AGBL4: variants seen among roughly 807,000 people sequenced by gnomAD.
AGBL4 encodes AGBL carboxypeptidase 4.
In AGBL4, 58 loss-of-function variants were observed where a neutral mutation model predicts 66.4. The ratio of observed to expected loss-of-function variants is 0.87; its 90% confidence interval spans 0.71 to 1.09. The LOEUF is 1.09. AGBL4 is among the 50% of genes least tolerant of loss of function. AGBL4 has a pLI of 0.00. For missense variants in AGBL4, 579 were observed against 631.0 expected (o/e 0.92, Z 0.88); for synonymous variants, 234 against 222.9 (o/e 1.05, Z -0.44).
chr1:49,689,468 AC>A (rs760149289), intron 3 of AGBL4, among the ~76,000 whole-genome samples: 9 of 152,158 alleles, frequency 5.9e-5, no homozygotes, highest in Non-Finnish European at 8.8e-5. Flanking sequence ...TGCTTTGGTT[AC>A]TATAGCTCTG....
chr1:49,429,630 T>A (rs1007151921), intron 3 of AGBL4, among the ~76,000 whole-genome samples: 1 of 152,150 alleles, frequency 6.6e-6, no homozygotes, highest in Non-Finnish European at 1.5e-5. Flanking sequence ...GTCTCCAATG[T>A]ATTCTCCCTA....
At chr1:49,594,542 G>C (rs1449757526) in intron 3 of AGBL4, among the ~76,000 whole-genome samples, 2 of 152,050 alleles carry the variant, frequency 1.3e-5, no homozygotes, top group Non-Finnish European at 2.9e-5. Flanking sequence ...ACAGTCCCTG[G>C]TGTGTGATGT....
At chr1:49,049,665 G>C (rs1014095309) in intron 4 of AGBL4, among the ~76,000 whole-genome samples, 6 of 151,992 alleles carry the variant, frequency 3.9e-5, no homozygotes, top group African/African-American at 1.2e-4. Context: ...GTATAAAGTA[G>C]AGACTCTTTA....
chr1:49,564,617 T>C (rs1368312996), intron 3 of AGBL4, among the ~76,000 whole-genome samples: 2 of 152,178 alleles, frequency 1.3e-5, no homozygotes, highest in South Asian at 4.1e-4. Flanking sequence ...TTGAGTGGTT[T>C]TGAGTGAGTT....
intron 3 of AGBL4, among the ~76,000 whole-genome samples, chr1:49,692,201 T>C (rs1646901841): frequency 6.6e-6 from 1 of 152,180 alleles, no homozygotes; most frequent in Admixed American, 6.5e-5. Flanking sequence ...ATTAGTATTA[T>C]TACTTTCATT....
At chr1:49,959,877 G>A (rs758744954) in intron 1 of AGBL4, among the ~76,000 whole-genome samples, 2 of 152,028 alleles carry the variant, frequency 1.3e-5, no homozygotes, top group Admixed American at 6.6e-5. Flanking sequence ...CATGTCCTTT[G>A]CAGCAACATG....
intron 3 of AGBL4, among the ~76,000 whole-genome samples, chr1:49,442,843 T>C (rs193103779): frequency 5.7e-4 from 86 of 152,158 alleles, no homozygotes; most frequent in Non-Finnish European, 1.9e-4. Context: ...TTTTAGTTCT[T>C]TGAGAAATAT....
chr1:49,952,760 G>C (rs1190856721), intron 1 of AGBL4, among the ~76,000 whole-genome samples: 2 of 151,770 alleles, frequency 1.3e-5, no homozygotes, highest in Non-Finnish European at 2.9e-5. Flanking sequence ...GATTTTTCTT[G>C]GTGCATGGAA....
At chr1:49,291,188 AT>A (rs1644526289) in intron 3 of AGBL4, among the ~76,000 whole-genome samples, 1 of 152,216 alleles carries the variant, frequency 6.6e-6, no homozygotes, top group Admixed American at 6.5e-5. Flanking sequence ...TAAATTAATA[AT>A]TTAAACCTTC....
chr1:48,565,756 A>G (rs1165131630), intron 11 of AGBL4, among the ~76,000 whole-genome samples: 2 of 152,226 alleles, frequency 1.3e-5, no homozygotes, highest in East Asian at 3.9e-4. Context: ...AATGAGAACA[A>G]TAATCTCTGT....
chr1:48,903,793 C>T (rs923468881), intron 5 of AGBL4, among the ~76,000 whole-genome samples: 2 of 152,226 alleles, frequency 1.3e-5, no homozygotes, highest in African/African-American at 4.8e-5. Flanking sequence ...TTGTTCCCAC[C>T]TCCTTGCCTG....
intron 4 of AGBL4, among the ~76,000 whole-genome samples, chr1:49,174,633 A>G (rs1289986881): frequency 6.6e-6 from 1 of 152,136 alleles, no homozygotes; most frequent in Non-Finnish European, 1.5e-5. Context: ...TGTTCAATCT[A>G]TAGGAGAATA....
chr1:49,888,545 TAA>T (rs1217256503), intron 1 of AGBL4, among the ~76,000 whole-genome samples: 1 of 152,110 alleles, frequency 6.6e-6, no homozygotes, highest in Non-Finnish European at 1.5e-5. Flanking sequence ...ATTTAATTAA[TAA>T]ATAAGAGTTA....
intron 2 of AGBL4, among the ~76,000 whole-genome samples, chr1:49,703,327 C>A (rs1002339326): frequency 6.6e-6 from 1 of 151,706 alleles, no homozygotes; most frequent in East Asian, 1.9e-4. Context: ...ATTCCATTTA[C>A]AATAGCATCA....
chr1:49,248,938 A>G (rs1175531842), intron 3 of AGBL4, among the ~76,000 whole-genome samples: 1 of 152,096 alleles, frequency 6.6e-6, no homozygotes, highest in Non-Finnish European at 1.5e-5. Context: ...ACCACAGTAC[A>G]CTGTTAGTCT....
chr1:49,547,483 C>T (rs1370160312), intron 3 of AGBL4, among the ~76,000 whole-genome samples: 3 of 152,156 alleles, frequency 2.0e-5, no homozygotes, highest in South Asian at 2.1e-4. Flanking sequence ...TTTGGCTATG[C>T]GGGCCCCTTC....
At chr1:49,241,047 A>C (rs1336973086) in intron 4 of AGBL4, among the ~76,000 whole-genome samples, 1 of 151,926 alleles carries the variant, frequency 6.6e-6, no homozygotes, top group African/African-American at 2.4e-5. Flanking sequence ...TCAATCTTCC[A>C]TTATCCCTGA....
rs77057295 is a variant in AGBL4 at position 49,156,608 on chromosome 1, C to G, written c.377+89162G>C. Reference sequence around the variant, plus strand: ...AGGCTTCAGTTCCTCATTACATAGGCCTTTCCATAGAACCTCTTGTGACAT... The same window carrying G: ...AGGCTTCAGTTCCTCATTACATAGGGCTTTCCATAGAACCTCTTGTGACAT... On this transcript the variant is annotated intron_variant, in intron 4 of 13. Coordinates refer to ENST00000371839, the MANE Select transcript of AGBL4 (RefSeq NM_032785.4). 3.1e-3 allele frequency among the ~76,000 whole-genome samples: 473 copies of G among 152,238 alleles called. 8 individuals carry two copies. Among genetic ancestry groups the G allele is most frequent in the African/African-American group, 0.011 (450 of 41,548 alleles).
At chr1:48,903,576 T>C (rs1652299412) in intron 5 of AGBL4, among the ~76,000 whole-genome samples, 3 of 152,204 alleles carry the variant, frequency 2.0e-5, no homozygotes, top group Admixed American at 2.0e-4. Context: ...TGTCAGGGTT[T>C]GGTCTCTTGT....
Sources: allele counts gnomAD v4.1 joint callset (sites outside exome capture counted in the v4.1 genomes callset), GRCh38; gene constraint gnomAD v4.1.1; transcripts MANE v1.5; gene names NCBI Gene and HGNC (gene_info 2026-07-23, HGNC 2026-07-21).